The following SLC35F1 variants were observed in gnomAD, a reference collection of about 807,000 sequenced individuals.
SLC35F1 encodes the protein chromosome 6 open reading frame 169.
A neutral mutation model predicts 48.7 loss-of-function variants in SLC35F1; 14 were observed. That is an observed-to-expected ratio of 0.29 (90% CI 0.19 to 0.45). The LOEUF is 0.45. Ranked by LOEUF, SLC35F1 falls within the 20% of genes least tolerant of loss-of-function variation. SLC35F1 has a pLI of 1.00. For missense variants in SLC35F1, 404 were observed against 500.0 expected (o/e 0.81, Z 1.83); for synonymous variants, 190 against 202.2 (o/e 0.94, Z 0.51).
At chr6:118,027,074 T>C (rs1771966931) in intron 1 of SLC35F1, among the ~76,000 whole-genome samples, 1 of 152,198 alleles carries the variant, frequency 6.6e-6, no homozygotes. Context: ...GCCATTTGTG[T>C]CTGGGTTCTT....
At chr6:118,068,963 C>T (rs969789757) in intron 1 of SLC35F1, among the ~76,000 whole-genome samples, 1 of 151,924 alleles carries the variant, frequency 6.6e-6, no homozygotes, top group Non-Finnish European at 1.5e-5. Flanking sequence ...ATTTTGTTAA[C>T]CACAGAAATA....
chr6:118,022,873 C>T (rs968618636), intron 1 of SLC35F1, among the ~76,000 whole-genome samples: 1 of 151,860 alleles, frequency 6.6e-6, no homozygotes, highest in Non-Finnish European at 1.5e-5. Flanking sequence ...GCCTCAGCCT[C>T]CTGAGTAGCT....
At chr6:118,002,479 T>G (rs1444572778) in intron 1 of SLC35F1, among the ~76,000 whole-genome samples, 2 of 151,942 alleles carry the variant, frequency 1.3e-5, no homozygotes, top group Admixed American at 6.6e-5. Context: ...AGGGATAGCA[T>G]TAGGAGATAT....
At chr6:118,151,141 T>A (rs1255586224) in intron 1 of SLC35F1, among the ~76,000 whole-genome samples, 2 of 152,180 alleles carry the variant, frequency 1.3e-5, no homozygotes, top group Non-Finnish European at 2.9e-5. Flanking sequence ...CTCTTGCTCT[T>A]CCTCTTAGCC....
chr6:118,229,140 C>T (rs1775256664), intron 2 of SLC35F1, among the ~76,000 whole-genome samples: 1 of 152,002 alleles, frequency 6.6e-6, no homozygotes, highest in South Asian at 2.1e-4. Context: ...TTAGCCACTA[C>T]CACCCTCACC....
At chr6:117,975,977 G>A (rs1425487513) in intron 1 of SLC35F1, among the ~76,000 whole-genome samples, 1 of 152,220 alleles carries the variant, frequency 6.6e-6, no homozygotes, top group African/African-American at 2.4e-5. Context: ...CGCAGTGGCA[G>A]TAGTACAGAA....
At chr6:118,102,860 G>T (rs566032348) in intron 1 of SLC35F1, among the ~76,000 whole-genome samples, 8 of 152,328 alleles carry the variant, frequency 5.3e-5, no homozygotes, top group South Asian at 4.1e-4. Flanking sequence ...CAGACAGCCT[G>T]CTATGATATC....
intron 2 of SLC35F1, among the ~76,000 whole-genome samples, chr6:118,168,557 C>T (rs1774353068): frequency 6.6e-6 from 1 of 152,092 alleles, no homozygotes; most frequent in Non-Finnish European, 1.5e-5. Flanking sequence ...CGGTGGTTAA[C>T]GATGGATAAC....
At chr6:118,193,385 A>G (rs1774758269) in intron 2 of SLC35F1, among the ~76,000 whole-genome samples, 1 of 152,194 alleles carries the variant, frequency 6.6e-6, no homozygotes, top group Non-Finnish European at 1.5e-5. Context: ...AAAACTTAAT[A>G]ATACCCCTTT....
intron 1 of SLC35F1, among the ~76,000 whole-genome samples, chr6:118,153,736 G>A (rs926679164): frequency 6.6e-6 from 1 of 152,230 alleles, no homozygotes; most frequent in African/African-American, 2.4e-5. Flanking sequence ...GGCATAATTT[G>A]AAAGGTTGTA....
At chr6:117,951,909 A>G (rs549608949) in intron 1 of SLC35F1, among the ~76,000 whole-genome samples, 1 of 152,320 alleles carries the variant, frequency 6.6e-6, no homozygotes, top group African/African-American at 2.4e-5. Context: ...CATTAAGCCC[A>G]AGGGATTTCC....
intron 1 of SLC35F1, among the ~76,000 whole-genome samples, chr6:118,029,279 C>T (rs1360153395): frequency 6.6e-6 from 1 of 152,108 alleles, no homozygotes; most frequent in Non-Finnish European, 1.5e-5. Context: ...AGTAGCCCTC[C>T]TTATCTGAGG....
At chr6:118,188,486 G>A (rs1467364958) in intron 2 of SLC35F1, among the ~76,000 whole-genome samples, 1 of 151,732 alleles carries the variant, frequency 6.6e-6, no homozygotes, top group Non-Finnish European at 1.5e-5. Context: ...GGAGGCAGAG[G>A]TTGCGGTGAG....
At chr6:118,264,554 T>C (rs1001236560) in intron 3 of SLC35F1, among the ~76,000 whole-genome samples, 2 of 152,218 alleles carry the variant, frequency 1.3e-5, no homozygotes, top group Non-Finnish European at 2.9e-5. Context: ...ACTCATCAAG[T>C]GCTTTGGCTT....
At chr6:118,113,725 C>T (rs772005298) in intron 1 of SLC35F1, among the ~76,000 whole-genome samples, 2 of 152,148 alleles carry the variant, frequency 1.3e-5, no homozygotes, top group Non-Finnish European at 2.9e-5. Flanking sequence ...GTTTCTTTAA[C>T]TTTTCTTCCT....
At chr6:118,118,941 CTTTT>C (rs35921856) in intron 1 of SLC35F1, among the ~76,000 whole-genome samples, 24 of 143,732 alleles carry the variant, frequency 1.7e-4, no homozygotes, top group Admixed American at 1.4e-4. Context: ...TGCTTGTTTG[CTTTT>C]TTTTTTTTTT....
intron 1 of SLC35F1, among the ~76,000 whole-genome samples, chr6:117,923,286 T>A (rs1480325682): frequency 6.6e-6 from 1 of 151,974 alleles, no homozygotes; most frequent in Non-Finnish European, 1.5e-5. Context: ...ATTTCAGCAG[T>A]CATTCCGTGT....
intron 1 of SLC35F1, among the ~76,000 whole-genome samples, chr6:117,914,798 G>A (rs1775807628): frequency 6.6e-6 from 1 of 151,996 alleles, no homozygotes; most frequent in African/African-American, 2.4e-5. Flanking sequence ...AAACTGCCCA[G>A]GTAGAAGACT....
intron 1 of SLC35F1, among the ~76,000 whole-genome samples, chr6:118,039,247 A>G (rs1772176198): frequency 6.6e-6 from 1 of 152,214 alleles, no homozygotes; most frequent in South Asian, 2.1e-4. Flanking sequence ...TTTATATGTA[A>G]CATATCATTT....
Sources: gnomAD v4.1 joint callset for allele counts (sites outside exome capture counted in the v4.1 genomes callset) on GRCh38, gnomAD v4.1.1 for gene constraint, MANE v1.5 for transcripts, NCBI Gene and HGNC (gene_info 2026-07-23, HGNC 2026-07-21) for gene names.